Variants in CAMSAP2 observed in about 807,000 individuals in gnomAD.
CAMSAP2 encodes calmodulin-regulated spectrin-associated protein 2.
Under a neutral mutation model 146.1 loss-of-function variants are expected in CAMSAP2, and 26 were observed. The ratio of observed to expected loss-of-function variants is 0.18; its 90% CI spans 0.13 to 0.25. The LOEUF (loss-of-function observed/expected upper bound fraction) is 0.25, where lower values mean the gene tolerates loss of function less well. Ranked by LOEUF, CAMSAP2 falls within the 10% of genes least tolerant of loss-of-function variation. CAMSAP2 has a pLI of 1.00. For missense variants in CAMSAP2, 1,381 were observed against 1,759.3 expected (o/e 0.78, Z 3.85); for synonymous variants, 499 against 596.6 (o/e 0.84, Z 2.38).
At chr1:200,801,566 A>G (rs999614155) in intron 2 of CAMSAP2, among the ~76,000 whole-genome samples, 3 of 152,212 alleles carry the variant, frequency 2.0e-5, no homozygotes, top group African/African-American at 7.2e-5. Context: ...TTTCAGGTGT[A>G]CCGATCAAAC....
intron 4 of CAMSAP2, chr1:200,828,516 G>A: frequency 6.6e-7 from 1 of 1,503,854 alleles, no homozygotes; most frequent in Non-Finnish European, 9.0e-7. Flanking sequence ...AGATAATTCT[G>A]ATGAATTTTC....
At position 200,793,857 on chromosome 1, in the gene CAMSAP2, TAAAC is replaced by T. The variant is rs370749081; in HGVS notation, c.400-13509_400-13506del. Among the ~76,000 whole-genome samples the T allele has an allele frequency of 7.5e-3, 1,136 of 152,310 alleles. 12 individuals are homozygous for T. The highest frequency in any genetic ancestry group is 0.044 in the Middle Eastern group (13 of 294). The stretch of plus-strand genomic sequence containing the variant: ...TATAACCACCTGATGACGTGTGTAT[TAAAC>T]AAACAAACATTTTGAAGTGCATTCT... On this transcript the variant is annotated intron_variant, in intron 2 of 16. Coordinates refer to ENST00000358823, the MANE Select transcript of CAMSAP2 (RefSeq NM_203459.4).
chr1:200,788,655 T>C (rs978931974), intron 2 of CAMSAP2, among the ~76,000 whole-genome samples: 5 of 151,188 alleles, frequency 3.3e-5, no homozygotes, highest in African/African-American at 1.2e-4. Context: ...TTTTTTTTTT[T>C]TTTGAGACGG....
intron 2 of CAMSAP2, among the ~76,000 whole-genome samples, chr1:200,768,901 C>G (rs750273669): frequency 6.6e-6 from 1 of 152,100 alleles, no homozygotes; most frequent in Non-Finnish European, 1.5e-5. Flanking sequence ...ATCCACCCAC[C>G]CTGGCCTCTC....
At chr1:200,790,394 A>T (rs1206699579) in intron 2 of CAMSAP2, among the ~76,000 whole-genome samples, 2 of 152,148 alleles carry the variant, frequency 1.3e-5, no homozygotes, top group Admixed American at 1.3e-4. Context: ...TTATTGTGAG[A>T]ACCTGTTCAA....
chr1:200,814,452 T>C (rs546849268), intron 3 of CAMSAP2, among the ~76,000 whole-genome samples: 7 of 151,126 alleles, frequency 4.6e-5, no homozygotes, highest in Non-Finnish European at 7.4e-5. Flanking sequence ...ACTAGAAATA[T>C]TTAAAAAATT....
At position 200,753,190 on chromosome 1, in the gene CAMSAP2, C is replaced by T. The variant is rs1021618869; in HGVS notation, c.140-7649C>T. ...GTCCGTGCTTGTGGTTCCAGCTACTCGGTAGGCCGAGGCAGGAGAATTGCT... is the reference window on the plus strand; with the variant it reads ...GTCCGTGCTTGTGGTTCCAGCTACTTGGTAGGCCGAGGCAGGAGAATTGCT... On this transcript the variant is annotated intron_variant, in intron 1 of 16. Coordinates refer to ENST00000358823, the MANE Select transcript of CAMSAP2 (RefSeq NM_203459.4). Among the ~76,000 whole-genome samples the T allele has an allele frequency of 2.7e-4, 41 of 150,290 alleles. 1 individual carries two copies. Among genetic ancestry groups the T allele is most frequent in the South Asian group, 2.1e-4 (1 of 4,754 alleles).
intron 6 of CAMSAP2, among the ~76,000 whole-genome samples, chr1:200,833,974 C>G (rs1667110283): frequency 6.6e-6 from 1 of 152,114 alleles, no homozygotes; most frequent in Admixed American, 6.5e-5. Flanking sequence ...TGTATGCTGT[C>G]AGATTGTGTT....
intron 2 of CAMSAP2, among the ~76,000 whole-genome samples, chr1:200,785,323 C>A (rs771999139): frequency 4.6e-5 from 7 of 151,638 alleles, no homozygotes; most frequent in Non-Finnish European, 1.0e-4. Flanking sequence ...TCTGTAATTT[C>A]TTCCTTAAAT....
chr1:200,843,823 G>C (rs1196919798), intron 7 of CAMSAP2, among the ~76,000 whole-genome samples: 1 of 151,556 alleles, frequency 6.6e-6, no homozygotes, highest in Non-Finnish European at 1.5e-5. Flanking sequence ...AAAACTAAAC[G>C]CTCAAACTTA....
intron 2 of CAMSAP2, among the ~76,000 whole-genome samples, chr1:200,785,969 C>T (rs1362379969): frequency 6.6e-6 from 1 of 152,186 alleles, no homozygotes; most frequent in Non-Finnish European, 1.5e-5. Context: ...GGATTACAGG[C>T]GTGAGCCACG....
intron 1 of CAMSAP2, among the ~76,000 whole-genome samples, chr1:200,743,686 A>T (rs1405789743): frequency 6.6e-6 from 1 of 152,158 alleles, no homozygotes; most frequent in Non-Finnish European, 1.5e-5. Flanking sequence ...CATGCCTGTA[A>T]TCCCAGCACT....
intron 1 of CAMSAP2, among the ~76,000 whole-genome samples, chr1:200,744,213 A>G (rs1664259885): frequency 6.6e-6 from 1 of 152,180 alleles, no homozygotes; most frequent in Non-Finnish European, 1.5e-5. Context: ...ACTGTTCTCT[A>G]TGGGTAGAAG....
In CAMSAP2 at chr1:200,858,870, G is replaced by A. The variant is rs567262836; in HGVS notation, c.*811G>A. The stretch of plus-strand genomic sequence containing the variant: ...TTAGATTGTTCTTTTAACAAAAAAG[G>A]CTTTCTATCTCTTTTAAAGTAAGTC... On this transcript the variant is annotated 3_prime_UTR_variant, in exon 17 of 17. Transcript: ENST00000358823. The A allele has an allele frequency of 2.0e-5, 3 of 152,560 alleles. No individual in the cohort carries two copies. Among genetic ancestry groups the A allele is most frequent in the Non-Finnish European group, 4.4e-5 (3 of 67,882 alleles). 9.5% of individuals were successfully genotyped at this position (152,560 alleles called of 1,614,324 possible).
At position 200,816,690 on chromosome 1, in the gene CAMSAP2, ATG is replaced by A. The variant is rs565935639; in HGVS notation, c.645+1047_645+1048del. 3.6e-4 allele frequency among the ~76,000 whole-genome samples: 51 copies of A among 139,978 alleles called. 9 individuals carry two copies. Among genetic ancestry groups the A allele is most frequent in the African/African-American group, 1.2e-3 (48 of 38,600 alleles). 91.8% of individuals were successfully genotyped at this position (139,978 alleles called of 152,430 possible). On this transcript the variant is annotated intron_variant, in intron 4 of 16. Transcript: ENST00000358823. ...CATGTGTATATGTGTGTATATGTAC[ATG>A]CACACATATATGTGTATATATACAC...
In CAMSAP2 at chr1:200,845,181, T is replaced by C. The variant is rs558480567; in HGVS notation, c.1109+312T>C. 4.6e-5 allele frequency among the ~76,000 whole-genome samples: 7 copies of C among 152,246 alleles called. No individual in the cohort carries two copies. In the South Asian group the frequency reaches 1.4e-3, roughly 32 times the overall value. On this transcript the variant is annotated intron_variant, in intron 8 of 16. Transcript: ENST00000358823. ...TGTCTAATAGGTAACTCTTAGGCCT[T>C]GGAGGGAAATTTTGAAATTCTATTA...
intron 4 of CAMSAP2, among the ~76,000 whole-genome samples, chr1:200,816,421 C>T (rs1420806341): frequency 1.3e-5 from 2 of 151,168 alleles, no homozygotes; most frequent in South Asian, 2.1e-4. Context: ...AGTAAAACCC[C>T]GTCTCTACTA....
At position 200,739,964 on chromosome 1, in the gene CAMSAP2, C is replaced by G. The variant is rs1479066025; in HGVS notation, c.137C>G (p.Thr46Arg). Reference protein sequence around the residue: ...LAWLVAKAFGTENVPEELQEP... With the variant: ...LAWLVAKAFGRENVPEELQEP... ...TGGCTGGTGGCCAAAGCCTTTGGGA[C>G]AGGTTAGTGGTGTCACCCTTTCCCT... The change falls in exon 1 of 17, where the codon ACA (threonine) becomes AGA (arginine). Residue 46 changes from threonine to arginine, a missense_variant and splice_region_variant. Coordinates refer to ENST00000358823, the MANE Select transcript of CAMSAP2 (RefSeq NM_203459.4). This position sits in a 1 kb window ranked among gnomAD's most constrained non-coding sequence, Gnocchi z 4.8. The G allele has an allele frequency of 6.2e-7, 1 of 1,614,050 alleles. No homozygotes were observed. Among genetic ancestry groups the G allele is most frequent in the Admixed American group, 1.7e-5 (1 of 60,020 alleles).
In CAMSAP2 at chr1:200,852,361, C is replaced by G. The variant is rs149466998; in HGVS notation, c.3466-180C>G. Among the ~76,000 whole-genome samples the G allele has an allele frequency of 3.8e-4, 58 of 152,234 alleles. No homozygotes were observed. In the East Asian group the frequency reaches 0.011, roughly 29 times the overall value. ...TTGCCTGTCCTCTTTTTTGATGGAACTGTTACCACTGTAGTTCCGTTCTTC... is the reference window on the plus strand; with the variant it reads ...TTGCCTGTCCTCTTTTTTGATGGAAGTGTTACCACTGTAGTTCCGTTCTTC... On this transcript the variant is annotated intron_variant, in intron 11 of 16. Coordinates refer to ENST00000358823, the MANE Select transcript of CAMSAP2 (RefSeq NM_203459.4).
Sources: allele counts gnomAD v4.1 joint callset (sites outside exome capture counted in the v4.1 genomes callset), GRCh38; gene constraint gnomAD v4.1.1; non-coding constraint Gnocchi (gnomAD v3.1); transcripts MANE v1.5; gene names NCBI Gene and HGNC (gene_info 2026-07-23, HGNC 2026-07-21).